FREM2: variants seen among roughly 807,000 people sequenced by gnomAD.
The protein encoded by FREM2 is FRAS1-related extracellular matrix protein 2.
Under a neutral mutation model 219.9 loss-of-function variants are expected in FREM2, and 119 were observed. The ratio of observed to expected loss-of-function variants is 0.54; its 90% CI spans 0.47 to 0.63. The LOEUF is 0.63. FREM2 is among the 30% of genes least tolerant of loss of function. The pLI is 0.00. For synonymous variants in FREM2, 1,562 were observed against 1,522.8 expected, an observed-to-expected ratio of 1.03 and a Z score of -0.60; for missense variants, 4,030 against 3,993.6, an observed-to-expected ratio of 1.01 and a Z score of -0.25.
At chr13:38,730,734 A>G (rs1304294598) in intron 2 of FREM2, among the ~76,000 whole-genome samples, 2 of 152,222 alleles carry the variant, frequency 1.3e-5, no homozygotes, top group Non-Finnish European at 2.9e-5. Context: ...TTGAACTGTG[A>G]TTTGTCATTT....
intron 6 of FREM2, among the ~76,000 whole-genome samples, chr13:38,811,456 T>C (rs1038695668): frequency 1.3e-5 from 2 of 152,096 alleles, no homozygotes; most frequent in Non-Finnish European, 2.9e-5. Context: ...GTTTCCCTTT[T>C]AGTACTGCTT....
intron 11 of FREM2, among the ~76,000 whole-genome samples, chr13:38,853,767 C>T (rs1202784820): frequency 6.6e-6 from 1 of 152,046 alleles, no homozygotes; most frequent in Non-Finnish European, 1.5e-5. Context: ...GAAGGGAAAA[C>T]AAAACTGATT....
rs765789847 is a variant in FREM2 at position 38,692,459 on chromosome 13, A to T, written c.5115A>T (p.Gln1705His). 1.2e-6 allele frequency: 2 copies of T among 1,613,886 alleles called. No homozygotes were observed. The highest frequency in any genetic ancestry group is 2.2e-5 in the South Asian group (2 of 91,084). ...SLRFIVTEAPQHGYLLNLDKG... is the reference protein window; with the variant it reads ...SLRFIVTEAPHHGYLLNLDKG... ...GATTTATCGTGACAGAGGCCCCTCA[A>T]CATGGATATCTTCTCAACCTGGACA... Residue 1705 changes from glutamine to histidine, a missense_variant, in exon 1 of 24, where the codon CAA (glutamine) becomes CAT (histidine). Transcript: ENST00000280481.
chr13:38,691,967 G>A lies in FREM2; in HGVS notation c.4623G>A (p.Leu1541=), dbSNP rs1869893578. The A allele has an allele frequency of 6.2e-7, 1 of 1,614,094 alleles. No homozygotes were observed. The highest frequency in any genetic ancestry group is 1.7e-5 in the Admixed American group (1 of 60,004). ...AGCCAGTGGTCACCATCCACAAGCT[G>A]GTTGTCAGTGAAAGTGAAAACAAGC... ...NKKPVVTIHK[L]VVSESENKLI... is the part of the protein sequence containing the mutation. Residue 1541 remains leucine, a synonymous_variant, in exon 1 of 24, where the codon CTG becomes CTA. Coordinates refer to ENST00000280481, the MANE Select transcript of FREM2 (RefSeq NM_207361.6).
chr13:38,846,766 T>G (rs746619767), intron 7 of FREM2, 44 bp downstream of exon 7: 1 of 1,602,528 alleles, frequency 6.2e-7, no homozygotes, highest in South Asian at 1.1e-5. Flanking sequence ...TCTGCAATTT[T>G]CAATGACCAT....
At chr13:38,815,616 G>C (rs917496191) in intron 6 of FREM2, among the ~76,000 whole-genome samples, 1 of 152,162 alleles carries the variant, frequency 6.6e-6, no homozygotes, top group Non-Finnish European at 1.5e-5. Flanking sequence ...CCCGAGGCTG[G>C]GTAATTTATA....
Position 38,878,921 on chromosome 13 carries a change from T to C in FREM2, c.8950T>C (p.Leu2984=). The change falls in exon 23 of 24, where the codon TTA becomes CTA. Residue 2984 remains leucine (L), a synonymous_variant. Transcript: ENST00000280481. ...AGTGGATGACCCTGAAGCCATTCTC[T>C]TAGTGAATCAGCCTGGATCTGATGG... ...LAVDDPEAIL[L]VNQPGSDGFK... is the part of the protein sequence containing the mutation. 2 of 1,614,160 alleles carry C rather than the reference T, an allele frequency of 1.2e-6. No homozygotes were observed. The highest frequency in any genetic ancestry group is 1.7e-6 in the Non-Finnish European group (2 of 1,179,984).
intron 7 of FREM2, among the ~76,000 whole-genome samples, chr13:38,846,956 T>C (rs1877181071): frequency 6.6e-6 from 1 of 152,118 alleles, no homozygotes. Flanking sequence ...ACTCAAAGGA[T>C]CTGTATACTG....
chr13:38,729,545 C>T (rs557831854), intron 2 of FREM2, among the ~76,000 whole-genome samples: 1 of 152,212 alleles, frequency 6.6e-6, no homozygotes, highest in South Asian at 2.1e-4. Flanking sequence ...TTTCTGTCAT[C>T]TTTAGTCTTA....
At chr13:38,694,881 G>A (rs1046369737) in intron 1 of FREM2, among the ~76,000 whole-genome samples, 5 of 152,164 alleles carry the variant, frequency 3.3e-5, no homozygotes, top group South Asian at 4.1e-4. Context: ...CAATAAGTAC[G>A]TAATGATATA....
chr13:38,749,056 A>G (rs560601861), intron 2 of FREM2, among the ~76,000 whole-genome samples: 2 of 152,304 alleles, frequency 1.3e-5, no homozygotes, highest in South Asian at 4.2e-4. Context: ...CAGTGACCTT[A>G]GGAAGCCTTT....
intron 2 of FREM2, among the ~76,000 whole-genome samples, chr13:38,714,159 C>T (rs889723998): frequency 1.4e-4 from 22 of 152,308 alleles, no homozygotes; most frequent in Middle Eastern, 6.8e-3. Flanking sequence ...TGTAAAGCAC[C>T]GTGCCATGCA....
intron 6 of FREM2, among the ~76,000 whole-genome samples, chr13:38,806,359 A>G (rs962824125): frequency 6.6e-6 from 1 of 151,978 alleles, no homozygotes; most frequent in Non-Finnish European, 1.5e-5. Context: ...CTGGATGCCC[A>G]TATCTCTCCT....
Position 38,872,725 on chromosome 13 carries a change from T to TA in FREM2, c.7984-15dup. ...TAACACTGAGTCATGTTGATTGATG[T>TA]AATTTTGTTGTTTTAGGTCCTAAAC... On this transcript the variant is annotated splice_polypyrimidine_tract_variant and intron_variant, in intron 16 of 23. Coordinates refer to ENST00000280481, the MANE Select transcript of FREM2 (RefSeq NM_207361.6). 1 of 1,611,110 alleles carries TA rather than the reference T, an allele frequency of 6.2e-7. No homozygotes were observed. The highest frequency in any genetic ancestry group is 2.2e-5 in the East Asian group (1 of 44,866).
chr13:38,829,675 T>C (rs1208821567), intron 6 of FREM2, among the ~76,000 whole-genome samples: 1 of 151,586 alleles, frequency 6.6e-6, no homozygotes, highest in South Asian at 2.1e-4. Flanking sequence ...CACAGTGTCT[T>C]GATTTTACCT....
At chr13:38,731,070 T>G (rs1218304969) in intron 2 of FREM2, among the ~76,000 whole-genome samples, 1 of 152,204 alleles carries the variant, frequency 6.6e-6, no homozygotes, top group Admixed American at 6.5e-5. Flanking sequence ...ATTGTTCAAT[T>G]TCTGTCTGCC....
rs557364038 is a variant in FREM2 at position 38,715,862 on chromosome 13, ATTAAT to A, written c.5263+18080_5263+18084del. Among the ~76,000 whole-genome samples, 300 of 152,158 alleles carry A rather than the reference ATTAAT, an allele frequency of 2.0e-3. No homozygotes were observed. In the Middle Eastern group the frequency reaches 0.024, roughly 12 times the overall value. ...AGAATACCTTTTTTTGTGAAAGGAA[ATTAAT>A]TTAACCTTAGTCTAAGCTTAAATTA... is the stretch of plus-strand genomic sequence containing the variant. On this transcript the variant is annotated intron_variant, in intron 2 of 23. Transcript: ENST00000280481.
At chr13:38,784,904 A>C in intron 6 of FREM2, 96 bp downstream of exon 6, 2 of 1,294,386 alleles carry the variant, frequency 1.5e-6, no homozygotes, top group Middle Eastern at 1.9e-4. Flanking sequence ...AAACAATGAT[A>C]ATATACACAT....
At chr13:38,746,862 C>T (rs887553890) in intron 2 of FREM2, among the ~76,000 whole-genome samples, 2 of 152,032 alleles carry the variant, frequency 1.3e-5, no homozygotes, top group Non-Finnish European at 2.9e-5. Context: ...GAAGATTTTA[C>T]CAAGACAGAA....
Sources: allele counts gnomAD v4.1 joint callset (sites outside exome capture counted in the v4.1 genomes callset), GRCh38; gene constraint gnomAD v4.1.1; transcripts MANE v1.5; gene names NCBI Gene and HGNC (gene_info 2026-07-23, HGNC 2026-07-21).